The following ARID4B variants were observed in gnomAD, a reference collection of about 807,000 sequenced individuals.
ARID4B encodes AT-rich interaction domain 4B.
A neutral mutation model predicts 147.5 loss-of-function variants in ARID4B; 26 were observed. That is an observed-to-expected ratio of 0.18 (90% CI 0.13 to 0.24). The LOEUF is 0.24. ARID4B is among the 10% of genes least tolerant of loss of function. The probability of loss-of-function intolerance (pLI) is 1.00; values close to 1 mark genes in which losing one functional copy is unlikely to be tolerated. For synonymous variants in ARID4B, 512 were observed against 507.9 expected (o/e 1.01, Z -0.11); for missense variants, 1,179 against 1,511.5 (o/e 0.78, Z 3.65).
chr1:235,270,277 C>T (rs1205511865), intron 2 of ARID4B, among the ~76,000 whole-genome samples: 1 of 151,948 alleles, frequency 6.6e-6, no homozygotes, highest in Non-Finnish European at 1.5e-5. Flanking sequence ...AGAGAGACTC[C>T]GTCTCAAAAA....
At chr1:235,260,415 A>T (rs1243652820) in intron 3 of ARID4B, among the ~76,000 whole-genome samples, 1 of 152,226 alleles carries the variant, frequency 6.6e-6, no homozygotes, top group Non-Finnish European at 1.5e-5. Context: ...TATACAAACA[A>T]TAAGACGTCT....
chr1:235,233,166 G>T (rs952881781), intron 9 of ARID4B, among the ~76,000 whole-genome samples: 1 of 152,090 alleles, frequency 6.6e-6, no homozygotes, highest in African/African-American at 2.4e-5. Flanking sequence ...TAACTTTTCA[G>T]ACTGGGTGCA....
At chr1:235,211,310 A>G (rs1280228616) in intron 17 of ARID4B, among the ~76,000 whole-genome samples, 1 of 152,140 alleles carries the variant, frequency 6.6e-6, no homozygotes, top group Non-Finnish European at 1.5e-5. Context: ...CAGGCTGGGC[A>G]TTAAGAGTGA....
chr1:235,169,578 C>A (rs544830730), intron 23 of ARID4B, among the ~76,000 whole-genome samples: 1 of 151,712 alleles, frequency 6.6e-6, no homozygotes, highest in African/African-American at 2.4e-5. Flanking sequence ...CTCTGTCGCC[C>A]AGGCTGGAGT....
rs1484552137 is a variant in ARID4B, at chr1:235,202,553, A to ATT, written c.1842-6439_1842-6438insAA. On this transcript the variant is annotated intron_variant, in intron 17 of 23. Coordinates refer to ENST00000264183, the MANE Select transcript of ARID4B (RefSeq NM_016374.6). Reference sequence around the variant, plus strand: ...ATAAAATGAAGTACAATGAAAAAAAAATTTTTTTTTTTTTGAGACGGAGTC... The same window carrying ATT: ...ATAAAATGAAGTACAATGAAAAAAAATTATTTTTTTTTTTTTGAGACGGAGTC... Among the ~76,000 whole-genome samples the ATT allele has an allele frequency of 2.0e-5, 3 of 147,372 alleles. 1 individual carries two copies. The highest frequency in any genetic ancestry group is 7.5e-5 in the African/African-American group (3 of 39,776).
intron 9 of ARID4B, among the ~76,000 whole-genome samples, chr1:235,232,156 A>G (rs1283126723): frequency 2.6e-5 from 4 of 152,196 alleles, no homozygotes; most frequent in South Asian, 2.1e-4. Flanking sequence ...GCAGTGGTTC[A>G]CAACTGTAAT....
chr1:235,182,487 G>C lies in ARID4B; in HGVS notation c.2432C>G (p.Thr811Arg). Reference protein sequence around the residue: ...TKKRKDVKKDTTDKSSKPQIK... With the variant: ...TKKRKDVKKDRTDKSSKPQIK... ...TTGTGGTTTTGAAGATTTATCTGTT[G>C]TGTCCTTCTTGACATCCTTTCTCTT... Residue 811 changes from threonine (T) to arginine (R), a missense_variant, in exon 20 of 24, where the codon ACA becomes AGA. By Grantham distance (71) the Thr-to-Arg change is moderately conservative. This residue lies in a region of ARID4B where 321 missense variants were observed against 342.4 expected (regional missense o/e 0.94). Transcript: ENST00000264183. 6.2e-7 allele frequency: 1 copy of C among 1,613,516 alleles called. No individual in the cohort carries two copies. Among genetic ancestry groups the C allele is most frequent in the Non-Finnish European group, 8.5e-7 (1 of 1,179,854 alleles).
intron 2 of ARID4B, among the ~76,000 whole-genome samples, chr1:235,295,659 A>C: frequency 6.6e-6 from 1 of 150,922 alleles, no homozygotes; most frequent in Admixed American, 6.6e-5. Flanking sequence ...AAAATACAAA[A>C]ATTAGCCAGG....
chr1:235,206,688 A>G (rs1666326949), intron 17 of ARID4B, among the ~76,000 whole-genome samples: 2 of 152,208 alleles, frequency 1.3e-5, no homozygotes, highest in Non-Finnish European at 2.9e-5. Flanking sequence ...CTGTAAAGCC[A>G]CTGATAAGGT....
chr1:235,175,664 A>T (rs1406443239), intron 21 of ARID4B: 1 of 395,906 alleles, frequency 2.5e-6, no homozygotes, highest in East Asian at 5.3e-5. Context: ...TGTCAAATAT[A>T]CAGTAATCAT....
rs1284120758 is a variant in ARID4B, at chr1:235,181,908, A to G, written c.3011T>C (p.Val1004Ala). 37 of 1,613,826 alleles carry G rather than the reference A, an allele frequency of 2.3e-5. No homozygotes were observed. In the Admixed American group the frequency reaches 6.2e-4, roughly 27 times the overall value. ...TGGAAATTCTGCTTTTCTGTCATTG[A>G]CCTCTACTGTTTTTTCTTCAATGGG... ...SKPIEEKTVEVNDRKAEFPSS... is the reference protein window; with the variant it reads ...SKPIEEKTVEANDRKAEFPSS... The change falls in exon 20 of 24, where the codon GTC becomes GCC. Residue 1004 changes from valine to alanine, a missense_variant. Transcript: ENST00000264183.
chr1:235,294,657 C>T (rs115043790), intron 2 of ARID4B, among the ~76,000 whole-genome samples: 18,838 of 147,772 alleles, frequency 0.13, 1,480 homozygotes, highest in African/African-American at 0.19. Context: ...GGATTACAGG[C>T]GCTTGCTACC....
At chr1:235,187,444 C>T (rs1315910372) in intron 19 of ARID4B, among the ~76,000 whole-genome samples, 1 of 152,054 alleles carries the variant, frequency 6.6e-6, no homozygotes, top group Non-Finnish European at 1.5e-5. Context: ...TTAAGAATGC[C>T]CTATTAAAAC....
intron 2 of ARID4B, among the ~76,000 whole-genome samples, chr1:235,300,858 T>C (rs1437350388): frequency 6.6e-6 from 1 of 151,646 alleles, no homozygotes; most frequent in Non-Finnish European, 1.5e-5. Flanking sequence ...TACAGGTGCA[T>C]GCCACCACGT....
chr1:235,223,276 CA>C lies in ARID4B; in HGVS notation c.971-17del. The C allele has an allele frequency of 1.4e-6, 2 of 1,399,402 alleles. No homozygotes were observed. The allele number at this position is 1,399,402 out of a possible 1,614,324, so 86.7% of individuals were successfully genotyped here. A position where few individuals can be genotyped will look rare whatever the true frequency, so the allele number is the denominator to read the frequency against. On this transcript the variant is annotated splice_polypyrimidine_tract_variant and intron_variant, in intron 12 of 23. Coordinates refer to ENST00000264183, the MANE Select transcript of ARID4B (RefSeq NM_016374.6). The stretch of plus-strand genomic sequence containing the variant: ...ATAGGTGTACCTGTTACAGAAAACA[CA>C]AACTATATTAGATCCACACTACATT...
intron 2 of ARID4B, among the ~76,000 whole-genome samples, chr1:235,320,062 G>A (rs1226725197): frequency 6.6e-6 from 1 of 151,986 alleles, no homozygotes; most frequent in Non-Finnish European, 1.5e-5. Context: ...GGGAGGCAGA[G>A]GTTGCAGTGA....
At position 235,252,627 on chromosome 1, in the gene ARID4B, A is replaced by C. The variant is rs1291605186; in HGVS notation, c.354+103T>G. 1.8e-5 allele frequency: 16 copies of C among 892,436 alleles called. No individual in the cohort carries two copies. The East Asian group carries it at 3.8e-4, about 21-fold the overall frequency. The allele number at this position is 892,436 out of a possible 1,614,324, so 55.3% of individuals were successfully genotyped here. On this transcript the variant is annotated intron_variant, in intron 6 of 23. Coordinates refer to ENST00000264183, the MANE Select transcript of ARID4B (RefSeq NM_016374.6). ...TCATAAGGGTATTGTGTATTAATGA[A>C]CTTTCCTGATTAGGAAGTAGGTTTA...
At chr1:235,304,423 G>C (rs1345458225) in intron 2 of ARID4B, among the ~76,000 whole-genome samples, 1 of 152,152 alleles carries the variant, frequency 6.6e-6, no homozygotes, top group African/African-American at 2.4e-5. Context: ...AAACAATCTT[G>C]TGTGATTTAA....
At chr1:235,203,325 C>G (rs1666079182) in intron 17 of ARID4B, among the ~76,000 whole-genome samples, 1 of 152,012 alleles carries the variant, frequency 6.6e-6, no homozygotes, top group Non-Finnish European at 1.5e-5. Context: ...GGTTAATATG[C>G]CCACATCAAT....
Sources: allele counts gnomAD v4.1 joint callset (sites outside exome capture counted in the v4.1 genomes callset), GRCh38; gene constraint gnomAD v4.1.1; regional missense constraint gnomAD v4.1.1; transcripts MANE v1.5; gene names NCBI Gene and HGNC (gene_info 2026-07-23, HGNC 2026-07-21).